Variants in ZNF555 observed in about 807,000 individuals in gnomAD.
The protein encoded by ZNF555 is zinc finger protein 555.
Under a neutral mutation model 14.0 loss-of-function variants are expected in ZNF555, and 10 were observed. The observed-to-expected ratio is 0.72, with a 90% CI of 0.44 to 1.21. The LOEUF is 1.21. Among genes scored for constraint, ZNF555 ranks in the 50% most tolerant of loss-of-function variants. The probability of loss-of-function intolerance (pLI) is 0.00; values close to 1 mark genes in which losing one functional copy is unlikely to be tolerated. For synonymous variants in ZNF555, 277 were observed against 262.4 expected, an observed-to-expected ratio of 1.06 and a Z score of -0.54; for missense variants, 747 against 762.0, an observed-to-expected ratio of 0.98 and a Z score of 0.23.
Position 2,850,722 on chromosome 19 carries a change from G to A in ZNF555, c.130+9G>A. 2 of 1,612,936 alleles carry A rather than the reference G, an allele frequency of 1.2e-6. No homozygotes were observed. The highest frequency in any genetic ancestry group is 1.7e-6 in the Non-Finnish European group (2 of 1,179,242). On this transcript the variant is annotated intron_variant, in intron 2 of 3. Coordinates refer to ENST00000334241, the MANE Select transcript of ZNF555 (RefSeq NM_152791.5). ...GAACCTGGCCTCAGTAGGTAAGGAT[G>A]ACATCATTCCTTCCTTCACGTAGTT...
Position 2,852,785 on chromosome 19 carries a change from C to G in ZNF555, c.720C>G (p.Phe240Leu), listed in dbSNP as rs1235012475. 1 of 1,614,148 alleles carries G rather than the reference C, an allele frequency of 6.2e-7. No homozygotes were observed. Among genetic ancestry groups the G allele is most frequent in the Non-Finnish European group, 8.5e-7 (1 of 1,180,030 alleles). Reference sequence around the variant, plus strand: ...AATGTGGGAAAGCCTTTATTGACTTCTCAAGTCTTACTAGTCATCTCAGAA... The same window carrying G: ...AATGTGGGAAAGCCTTTATTGACTTGTCAAGTCTTACTAGTCATCTCAGAA... ...CKQCGKAFID[F>L]SSLTSHLRSH... The change falls in exon 4 of 4, where the codon TTC becomes TTG. Residue 240 changes from phenylalanine (F) to leucine (L), a missense_variant. Phe to Leu is a conservative substitution (Grantham distance 22). Coordinates refer to ENST00000334241, the MANE Select transcript of ZNF555 (RefSeq NM_152791.5).
In ZNF555 at chr19:2,856,650, A is replaced by G. The variant is rs573650248; in HGVS notation, c.*2698A>G. 3 of 152,376 alleles carry G rather than the reference A, an allele frequency of 2.0e-5. No homozygotes were observed. Among genetic ancestry groups the G allele is most frequent in the Admixed American group, 1.3e-4 (2 of 15,306 alleles). 9.4% of individuals were successfully genotyped at this position (152,376 alleles called of 1,614,324 possible). On this transcript the variant is annotated 3_prime_UTR_variant, in exon 4 of 4. Transcript: ENST00000334241. ...GAGTTGAAGTTTGAACACATGATCAAGAAAGGGCTGTGGCTTGTATCAGAG... is the reference window on the plus strand; with the variant it reads ...GAGTTGAAGTTTGAACACATGATCAGGAAAGGGCTGTGGCTTGTATCAGAG...
In ZNF555 at chr19:2,853,774, G is replaced by A; in HGVS notation, c.1709G>A (p.Gly570Glu). 2 of 1,610,156 alleles carry A rather than the reference G, an allele frequency of 1.2e-6. No homozygotes were observed. Among genetic ancestry groups the A allele is most frequent in the Non-Finnish European group, 8.5e-7 (1 of 1,177,884 alleles). The change falls in exon 4 of 4, where the codon GGG becomes GAG. Residue 570 changes from glycine to glutamate, a missense_variant. Transcript: ENST00000334241. ...GEKPYQCKHCGKAFNCSSSLR... is the reference protein window; with the variant it reads ...GEKPYQCKHCEKAFNCSSSLR... ...AAACCTTATCAATGTAAGCATTGTG[G>A]GAAAGCATTCAATTGTTCCTCATCC...
chr19:2,845,260 C>T (rs2087572659), intron 1 of ZNF555, among the ~76,000 whole-genome samples: 1 of 152,200 alleles, frequency 6.6e-6, no homozygotes, highest in Non-Finnish European at 1.5e-5. Flanking sequence ...GGATAATGGC[C>T]TCCAGCTGCA....
chr19:2,843,720 A>G (rs1212910387), intron 1 of ZNF555, among the ~76,000 whole-genome samples: 1 of 152,216 alleles, frequency 6.6e-6, no homozygotes, highest in Admixed American at 6.5e-5. Context: ...TGAAATAGGT[A>G]GAATACAAGA....
rs544218902 is a variant in ZNF555 at position 2,854,880 on chromosome 19, A to C, written c.*928A>C. 1 of 152,276 alleles carries C rather than the reference A, an allele frequency of 6.6e-6. No individual in the cohort carries two copies. Among genetic ancestry groups the C allele is most frequent in the South Asian group, 2.1e-4 (1 of 4,820 alleles). 9.4% of individuals were successfully genotyped at this position (152,276 alleles called of 1,614,324 possible). On this transcript the variant is annotated 3_prime_UTR_variant, in exon 4 of 4. Transcript: ENST00000334241. ...TGCATGACCTCTTGACCACTGATTC[A>C]GACTGTCTTGTTTGGCAGTCTCTGA... is the stretch of plus-strand genomic sequence containing the variant.
At position 2,852,401 on chromosome 19, in the gene ZNF555, ACT is replaced by A; in HGVS notation, c.339_340del (p.Cys114Ter). On this transcript the variant is annotated frameshift_variant, in exon 4 of 4. Transcript: ENST00000334241. LOFTEE classifies it low-confidence loss of function (END_TRUNC). ...TTAGTAGAAATCATGGGTTGGAGAG[ACT>A]CTGTGAAAGTAATGATCAATGTGGA... is the stretch of plus-strand genomic sequence containing the variant. ...NLSRNHGLER[L>X]CESNDQCGEA... 1 of 1,614,094 alleles carries A rather than the reference ACT, an allele frequency of 6.2e-7. No homozygotes were observed. Among genetic ancestry groups the A allele is most frequent in the Non-Finnish European group, 8.5e-7 (1 of 1,180,012 alleles).
At chr19:2,843,296 G>A (rs1356857020) in intron 1 of ZNF555, among the ~76,000 whole-genome samples, 2 of 152,032 alleles carry the variant, frequency 1.3e-5, no homozygotes, top group Non-Finnish European at 2.9e-5. Context: ...TCTGAACACA[G>A]GGACTCCAGG....
chr19:2,852,260 CA>C (rs2087636485), intron 3 of ZNF555, 119 bp from the exon 4 acceptor site: 1 of 1,185,482 alleles, frequency 8.4e-7, no homozygotes, highest in African/African-American at 1.5e-5. Context: ...CATTTTCAGA[CA>C]GTTCCCATGG....
rs11669960 is a variant in ZNF555 at position 2,859,009 on chromosome 19, A to G, written c.*5057A>G. 0.025 allele frequency: 3,749 copies of G among 152,448 alleles called. 52 individuals are homozygous for G. The highest frequency in any genetic ancestry group is 0.061 in the Middle Eastern group (18 of 294). 9.4% of individuals were successfully genotyped at this position (152,448 alleles called of 1,614,324 possible). A position where few individuals can be genotyped will look rare whatever the true frequency, so the allele number is the denominator to read the frequency against. On this transcript the variant is annotated 3_prime_UTR_variant, in exon 4 of 4. Coordinates refer to ENST00000334241, the MANE Select transcript of ZNF555 (RefSeq NM_152791.5). ...GGACGCGTCTTACTAACGCCTCACC[A>G]GAGCGCATGCGCCCTCCTCAGGAGC... is the stretch of plus-strand genomic sequence containing the variant.
Position 2,854,225 on chromosome 19 carries a change from G to T in ZNF555, c.*273G>T. ...TAGTGTGACAGGTATTGGATATTAC[G>T]TATCTATTATATTTTCCACCTTTTT... On this transcript the variant is annotated 3_prime_UTR_variant, in exon 4 of 4. Coordinates refer to ENST00000334241, the MANE Select transcript of ZNF555 (RefSeq NM_152791.5). 3 of 388,228 alleles carry T rather than the reference G, an allele frequency of 7.7e-6. No homozygotes were observed. The highest frequency in any genetic ancestry group is 3.3e-5 in the South Asian group (1 of 30,548). 24.0% of individuals were successfully genotyped at this position (388,228 alleles called of 1,614,324 possible).
rs1459807981 is a variant in ZNF555, at chr19:2,853,539, C to T, written c.1474C>T (p.His492Tyr). 2.5e-6 allele frequency: 4 copies of T among 1,610,954 alleles called. No homozygotes were observed. The African/African-American group carries it at 4.0e-5, about 16-fold the overall frequency. ...GCTATGTGGGAAAGCTTTCTATTGC[C>T]ACATATCCTTACAAAAACATATGAG... ...CKLCGKAFYC[H>Y]ISLQKHMRRH... Residue 492 changes from histidine to tyrosine, a missense_variant, in exon 4 of 4, where the codon CAC (histidine) becomes TAC (tyrosine). Physicochemically the swap from His to Tyr is moderately conservative, Grantham distance 83 (BLOSUM62 2). Transcript: ENST00000334241.
rs1049531195 is a variant in ZNF555 at position 2,859,991 on chromosome 19, T to C, written c.*6039T>C. 1.4e-5 allele frequency: 2 copies of C among 144,026 alleles called. No homozygotes were observed. Among genetic ancestry groups the C allele is most frequent in the African/African-American group, 5.1e-5 (2 of 39,436 alleles). 8.9% of individuals were successfully genotyped at this position (144,026 alleles called of 1,614,324 possible). A position where few individuals can be genotyped will look rare whatever the true frequency, so the allele number is the denominator to read the frequency against. ...TATCCTTGTTCCCTTGAAGCTAATG[T>C]CGTAGGGGCCCAAAACAAAGCAAAC... On this transcript the variant is annotated 3_prime_UTR_variant, in exon 4 of 4. Transcript: ENST00000334241.
rs542232273 is a variant in ZNF555 at position 2,852,246 on chromosome 19, A to G, written c.315-134A>G. On this transcript the variant is annotated intron_variant, in intron 3 of 3. Transcript: ENST00000334241. ...AACCATCTTCCAGGGCATTCAGTTTATTTCATTTTCAGACAGTTCCCATGG... is the reference window on the plus strand; with the variant it reads ...AACCATCTTCCAGGGCATTCAGTTTGTTTCATTTTCAGACAGTTCCCATGG... The G allele has an allele frequency of 6.0e-5, 62 of 1,026,654 alleles. No individual in the cohort carries two copies. In the South Asian group the frequency reaches 9.0e-4, roughly 15 times the overall value. 63.6% of individuals were successfully genotyped at this position (1,026,654 alleles called of 1,614,324 possible).
In ZNF555 at chr19:2,852,981, C is replaced by A; in HGVS notation, c.916C>A (p.His306Asn). The A allele has an allele frequency of 6.2e-7, 1 of 1,614,232 alleles. No individual in the cohort carries two copies. Among genetic ancestry groups the A allele is most frequent in the Non-Finnish European group, 8.5e-7 (1 of 1,180,048 alleles). The change falls in exon 4 of 4, where the codon CAC (histidine) becomes AAC (asparagine). Residue 306 changes from histidine to asparagine, a missense_variant. Transcript: ENST00000334241. ...AACTTTTCGAAGACATATGATTTCACACACTGGAGAGAAGCCACATAAATG... is the reference window on the plus strand; with the variant it reads ...AACTTTTCGAAGACATATGATTTCAAACACTGGAGAGAAGCCACATAAATG... ...SSTFRRHMIS[H>N]TGEKPHKCKE...
intron 1 of ZNF555, among the ~76,000 whole-genome samples, chr19:2,849,647 G>A (rs1402960394): frequency 2.0e-5 from 3 of 150,698 alleles, no homozygotes; most frequent in Non-Finnish European, 4.4e-5. Flanking sequence ...ACCATGCCCG[G>A]CTAATTTTTT....
rs561315618 is a variant in ZNF555 at position 2,853,024 on chromosome 19, C to G, written c.959C>G (p.Ala320Gly). The G allele has an allele frequency of 1.9e-6, 3 of 1,614,172 alleles. No individual in the cohort carries two copies. Among genetic ancestry groups the G allele is most frequent in the African/African-American group, 1.3e-5 (1 of 75,030 alleles). The stretch of plus-strand genomic sequence containing the variant: ...CATAAATGTAAAGAATGTGGGGAGG[C>G]CTTCAGTTATTCTTCGGCTTTTCGA... ...KPHKCKECGEAFSYSSAFRRH... is the reference protein window; with the variant it reads ...KPHKCKECGEGFSYSSAFRRH... The change falls in exon 4 of 4, where the codon GCC (alanine) becomes GGC (glycine). Residue 320 changes from alanine (A) to glycine (G), a missense_variant. Ala to Gly is a moderately conservative substitution (Grantham distance 60). Transcript: ENST00000334241.
rs1397548190 is a variant in ZNF555 at position 2,856,186 on chromosome 19, T to C, written c.*2234T>C. ...ATAAATGTTATTTTTAATTGCTGTA[T>C]ACTTAACATTTGCCATTAAAATGAT... On this transcript the variant is annotated 3_prime_UTR_variant, in exon 4 of 4. Transcript: ENST00000334241. The C allele has an allele frequency of 2.7e-5, 4 of 148,356 alleles. No homozygotes were observed. Among genetic ancestry groups the C allele is most frequent in the Non-Finnish European group, 4.4e-5 (3 of 67,534 alleles). 9.2% of individuals were successfully genotyped at this position (148,356 alleles called of 1,614,324 possible).
At chr19:2,842,226 C>T (rs1031463438) in intron 1 of ZNF555, among the ~76,000 whole-genome samples, 13 of 152,178 alleles carry the variant, frequency 8.5e-5, no homozygotes, top group African/African-American at 2.9e-4. Context: ...AGGTTTCCTC[C>T]CCTGAGTCCC....
Sources: allele counts gnomAD v4.1 joint callset (sites outside exome capture counted in the v4.1 genomes callset), GRCh38; gene constraint gnomAD v4.1.1; transcripts MANE v1.5; gene names NCBI Gene and HGNC (gene_info 2026-07-23, HGNC 2026-07-21).